Variants in ADARB2 observed in about 807,000 individuals in gnomAD.
The protein encoded by ADARB2 is inactive double-stranded RNA-specific editase B2.
ADARB2 carries 25 observed loss-of-function variants against 62.2 expected under a neutral mutation model. The observed-to-expected ratio is 0.40, with a 90% CI of 0.29 to 0.56. The LOEUF (loss-of-function observed/expected upper bound fraction) is 0.56, where lower values mean the gene tolerates loss of function less well. Ranked by LOEUF, ADARB2 falls within the 20% of genes least tolerant of loss-of-function variation. ADARB2 has a pLI of 0.43. For synonymous variants in ADARB2, 572 were observed against 500.8 expected, an observed-to-expected ratio of 1.14 and a Z score of -1.90; for missense variants, 1,071 against 1,077.4, an observed-to-expected ratio of 0.99 and a Z score of 0.08.
intron 1 of ADARB2, among the ~76,000 whole-genome samples, chr10:1,422,957 C>T (rs1564285689): frequency 2.6e-5 from 4 of 152,180 alleles, no homozygotes; most frequent in Non-Finnish European, 5.9e-5. Context: ...GTGGCACCCA[C>T]CTGTCTGGTT....
chr10:1,472,702 CTG>C (rs891367982), intron 1 of ADARB2, among the ~76,000 whole-genome samples: 5 of 152,118 alleles, frequency 3.3e-5, no homozygotes, highest in African/African-American at 1.2e-4. Context: ...CACTTTTTGC[CTG>C]TGTTAAGTAT....
chr10:1,182,098 ATCTG>A lies in ADARB2; in HGVS notation c.*1091_*1094del, dbSNP rs1157338210. 1 of 152,250 alleles carries A rather than the reference ATCTG, an allele frequency of 6.6e-6. No individual in the cohort carries two copies. Among genetic ancestry groups the A allele is most frequent in the Non-Finnish European group, 1.5e-5 (1 of 68,044 alleles). 9.4% of individuals were successfully genotyped at this position (152,250 alleles called of 1,614,324 possible). On this transcript the variant is annotated 3_prime_UTR_variant, in exon 10 of 10. Coordinates refer to ENST00000381312, the MANE Select transcript of ADARB2 (RefSeq NM_018702.4). Reference sequence around the variant, plus strand: ...TGTCCTGCAAGGTGTTGATTGGAGAATCTGAAAGAATAGAGAGCTGGTAGCCTCT... The same window carrying A: ...TGTCCTGCAAGGTGTTGATTGGAGAAAAAGAATAGAGAGCTGGTAGCCTCT...
chr10:1,206,503 C>T (rs1589151237), intron 7 of ADARB2, among the ~76,000 whole-genome samples: 1 of 151,508 alleles, frequency 6.6e-6, no homozygotes, highest in Non-Finnish European at 1.5e-5. Context: ...CTCCTCGTGC[C>T]TGTGTGGTCT....
At chr10:1,578,682 G>A (rs1588309896) in intron 1 of ADARB2, among the ~76,000 whole-genome samples, 1 of 151,232 alleles carries the variant, frequency 6.6e-6, no homozygotes, top group East Asian at 1.9e-4. Flanking sequence ...CACACAGAGA[G>A]AAGTGTGTGC....
intron 1 of ADARB2, among the ~76,000 whole-genome samples, chr10:1,448,855 G>A (rs1432120285): frequency 5.3e-5 from 8 of 151,944 alleles, no homozygotes; most frequent in African/African-American, 9.7e-5. Flanking sequence ...AGAAGCCACC[G>A]CCTTCCCACC....
At position 1,337,060 on chromosome 10, in the gene ADARB2, T is replaced by TTGTG. The variant is rs934933891; in HGVS notation, c.1077+25967_1077+25968insCACA. On this transcript the variant is annotated intron_variant, in intron 3 of 9. Transcript: ENST00000381312. ...ATTTTTCCCTTTTTTACTTAAAGAT[T>TTGTG]TCTGTGTGTGTGTGTGTGTGTGTGT... Among the ~76,000 whole-genome samples the TTGTG allele has an allele frequency of 4.9e-3, 408 of 82,552 alleles. 4 individuals carry two copies. The highest frequency in any genetic ancestry group is 0.018 in the African/African-American group (380 of 21,548). The allele number at this position is 82,552 out of a possible 152,430, so 54.2% of individuals were successfully genotyped here.
chr10:1,270,308 A>G (rs912326192), intron 4 of ADARB2, among the ~76,000 whole-genome samples: 5 of 152,294 alleles, frequency 3.3e-5, no homozygotes, highest in African/African-American at 9.6e-5. Flanking sequence ...GTCAGTTACT[A>G]TTTCACAGTA....
At chr10:1,710,687 C>T (rs753231093) in intron 1 of ADARB2, among the ~76,000 whole-genome samples, 3 of 152,214 alleles carry the variant, frequency 2.0e-5, no homozygotes, top group Non-Finnish European at 2.9e-5. Flanking sequence ...CAGAGAGGCA[C>T]GAGGAATGCC....
intron 2 of ADARB2, among the ~76,000 whole-genome samples, chr10:1,364,373 C>T (rs1468139586): frequency 2.6e-5 from 4 of 152,212 alleles, no homozygotes; most frequent in Admixed American, 2.0e-4. Context: ...ACTCTACTTC[C>T]TCACTCACAG....
chr10:1,510,124 CTTTCTTTCTT>C (rs1564312558), intron 1 of ADARB2, among the ~76,000 whole-genome samples: 35 of 117,664 alleles, frequency 3.0e-4, no homozygotes, highest in African/African-American at 1.2e-3. Flanking sequence ...TTCTTTCTTT[CTTTCTTTCTT>C]TCTTTCTTTC....
chr10:1,544,531 G>A (rs574717578), intron 1 of ADARB2, among the ~76,000 whole-genome samples: 26 of 152,294 alleles, frequency 1.7e-4, no homozygotes, highest in African/African-American at 6.3e-4. Context: ...GGCAGGGTCT[G>A]CAGGGTTGGA....
intron 1 of ADARB2, among the ~76,000 whole-genome samples, chr10:1,439,413 G>A (rs1434213017): frequency 1.5e-5 from 2 of 137,638 alleles, no homozygotes; most frequent in African/African-American, 5.6e-5. Flanking sequence ...TCTCCCCCAG[G>A]ACAGAGGCAG....
intron 3 of ADARB2, among the ~76,000 whole-genome samples, chr10:1,360,160 G>GC (rs1247499524): frequency 6.6e-6 from 1 of 152,244 alleles, no homozygotes; most frequent in African/African-American, 2.4e-5. Flanking sequence ...CAAGCACCGG[G>GC]CCGGCACCCA....
At chr10:1,719,800 G>A (rs543176444) in intron 1 of ADARB2, among the ~76,000 whole-genome samples, 19 of 152,310 alleles carry the variant, frequency 1.2e-4, no homozygotes, top group East Asian at 7.7e-4. Context: ...AACATTGAAC[G>A]TGACTAATCA....
At chr10:1,732,067 C>A (rs1412599325) in intron 1 of ADARB2, among the ~76,000 whole-genome samples, 2 of 151,988 alleles carry the variant, frequency 1.3e-5, no homozygotes, top group Non-Finnish European at 2.9e-5. Context: ...AGGAGTTGTT[C>A]AAAATTGTTC....
At chr10:1,717,156 CTT>C (rs397969884) in intron 1 of ADARB2, among the ~76,000 whole-genome samples, 9 of 63,268 alleles carry the variant, frequency 1.4e-4, no homozygotes, top group African/African-American at 1.9e-4. Flanking sequence ...TTGTAGTGTG[CTT>C]TTTTTTTTTT....
intron 3 of ADARB2, among the ~76,000 whole-genome samples, chr10:1,281,473 A>T (rs1831370490): frequency 6.6e-6 from 1 of 152,232 alleles, no homozygotes; most frequent in African/African-American, 2.4e-5. Flanking sequence ...GTGCTGGTCG[A>T]TCCTGGTCCA....
At chr10:1,583,475 T>C (rs1465940906) in intron 1 of ADARB2, among the ~76,000 whole-genome samples, 1 of 152,168 alleles carries the variant, frequency 6.6e-6, no homozygotes, top group African/African-American at 2.4e-5. Context: ...CTAAAATAGA[T>C]AATTAGGTCA....
intron 3 of ADARB2, among the ~76,000 whole-genome samples, chr10:1,321,684 A>G (rs989683860): frequency 2.0e-5 from 3 of 152,174 alleles, no homozygotes; most frequent in African/African-American, 7.2e-5. Flanking sequence ...CGTGCTACTG[A>G]TGCTACTATT....
Sources: allele counts gnomAD v4.1 joint callset (sites outside exome capture counted in the v4.1 genomes callset), GRCh38; gene constraint gnomAD v4.1.1; transcripts MANE v1.5; gene names NCBI Gene and HGNC (gene_info 2026-07-23, HGNC 2026-07-21).